The following UPRT variants were observed in gnomAD, a reference collection of about 807,000 sequenced individuals.
UPRT encodes uracil phosphoribosyltransferase homolog, also known as RP11-311P8.3.
UPRT carries 5 observed loss-of-function variants against 22.6 expected under a neutral mutation model. That is an observed-to-expected ratio of 0.22 (90% CI 0.12 to 0.47). The LOEUF is 0.47. UPRT is among the 20% of genes least tolerant of loss of function. UPRT has a pLI of 0.99. For synonymous variants in UPRT, 77 were observed against 87.7 expected, an observed-to-expected ratio of 0.88 and a Z score of 0.68; for missense variants, 181 against 239.9, an observed-to-expected ratio of 0.75 and a Z score of 1.62.
chrX:75,183,576 T>C lies in UPRT; in HGVS notation c.-447+15697T>C, dbSNP rs933137708. On this transcript the variant is annotated intron_variant, in intron 4 of 13. Coordinates refer to the UPRT transcript ENST00000652605. ...CTGGGTCAAATGGTATTTCTAGTTC[T>C]AGATCCTTGAGGAATCGCCACACCG... Among the ~76,000 whole-genome samples, 6 of 112,065 alleles carry C rather than the reference T, an allele frequency of 5.4e-5. No homozygotes were observed. In the East Asian group the frequency reaches 1.1e-3, roughly 21 times the overall value.
intron 4 of UPRT, among the ~76,000 whole-genome samples, chrX:75,252,582 A>G (rs1223001000): frequency 8.9e-6 from 1 of 112,307 alleles, no homozygotes; most frequent in Admixed American, 9.4e-5. Context: ...AAACACTTTT[A>G]CACTGTTGGT....
At chrX:75,225,045 G>T (rs1359511209) in intron 4 of UPRT, among the ~76,000 whole-genome samples, 1 of 111,087 alleles carries the variant, frequency 9.0e-6, no homozygotes, top group Non-Finnish European at 1.9e-5. Context: ...AGAACACTCA[G>T]TGGAGCGGTC....
intron 4 of UPRT, among the ~76,000 whole-genome samples, chrX:75,234,940 G>A (rs1429994270): frequency 2.4e-4 from 27 of 111,520 alleles, no homozygotes; most frequent in Admixed American, 9.5e-5. Flanking sequence ...TAAGATCAGA[G>A]CAGAACTGAA....
intron 4 of UPRT, among the ~76,000 whole-genome samples, chrX:75,260,258 T>A (rs2082563344): frequency 8.9e-6 from 1 of 112,193 alleles, no homozygotes; most frequent in Non-Finnish European, 1.9e-5. Context: ...ATAACAATAT[T>A]AACCTTAAAT....
intron 4 of UPRT, among the ~76,000 whole-genome samples, chrX:75,253,731 G>A (rs1197042065): frequency 8.9e-6 from 1 of 111,964 alleles, no homozygotes; most frequent in Non-Finnish European, 1.9e-5. Flanking sequence ...GAGAGACAAT[G>A]CAAATACTTT....
intron 4 of UPRT, among the ~76,000 whole-genome samples, chrX:75,173,945 G>A (rs887005245): frequency 1.8e-5 from 2 of 110,922 alleles, no homozygotes; most frequent in Non-Finnish European, 3.8e-5. Flanking sequence ...GCCCACAAGC[G>A]CCGCATGCAG....
chrX:75,262,503 T>C (rs1381701089), intron 4 of UPRT, among the ~76,000 whole-genome samples: 1 of 111,374 alleles, frequency 9.0e-6, no homozygotes, highest in African/African-American at 3.3e-5. Context: ...TGGATGAAGA[T>C]TCAAGACCCA....
intron 4 of UPRT, among the ~76,000 whole-genome samples, chrX:75,248,005 T>C (rs2082513165): frequency 8.9e-6 from 1 of 112,142 alleles, no homozygotes; most frequent in South Asian, 3.7e-4. Context: ...CTGAGGGTCC[T>C]GACGGTTAGA....
At chrX:75,168,167 G>A (rs1462124005) in intron 4 of UPRT, among the ~76,000 whole-genome samples, 1 of 112,087 alleles carries the variant, frequency 8.9e-6, no homozygotes, top group Non-Finnish European at 1.9e-5. Flanking sequence ...TTTACTTTCA[G>A]AATGAGAAGT....
intron 4 of UPRT, among the ~76,000 whole-genome samples, chrX:75,175,530 G>A (rs753963548): frequency 9.0e-6 from 1 of 111,659 alleles, no homozygotes; most frequent in South Asian, 3.8e-4. Context: ...GCCCTCAATA[G>A]TTAAACATAC....
Position 75,180,718 on chromosome X carries a change from TTTG to T in UPRT, c.-447+12840_-447+12842del, listed in dbSNP as rs2082267689. Among the ~76,000 whole-genome samples, 5 of 95,166 alleles carry T rather than the reference TTTG, an allele frequency of 5.3e-5. No homozygotes were observed. In the East Asian group the frequency reaches 2.0e-3, roughly 39 times the overall value. 82.6% of individuals were successfully genotyped at this position (95,166 alleles called of 115,157 possible). A position where few individuals can be genotyped will look rare whatever the true frequency, so the allele number is the denominator to read the frequency against. On this transcript the variant is annotated intron_variant, in intron 4 of 13. Coordinates refer to the UPRT transcript ENST00000652605. ...TTGTTTTTTTTTTTTTTTTTTTTTT[TTTG>T]CTTGTTAATTTGTTTACATTTCTTA...
intron 1 of UPRT, among the ~76,000 whole-genome samples, chrX:75,292,716 G>T (rs1184949477): frequency 9.0e-6 from 1 of 111,060 alleles, no homozygotes; most frequent in Non-Finnish European, 1.9e-5. Context: ...AGAAAGATGA[G>T]GAACAATACT....
intron 4 of UPRT, among the ~76,000 whole-genome samples, chrX:75,267,088 G>A (rs1239390915): frequency 9.0e-6 from 1 of 111,674 alleles, no homozygotes; most frequent in Non-Finnish European, 1.9e-5. Flanking sequence ...CAATTACTGG[G>A]TATATACCCA....
chrX:75,202,324 G>A (rs778315335), intron 4 of UPRT, among the ~76,000 whole-genome samples: 61 of 111,039 alleles, frequency 5.5e-4, no homozygotes, highest in African/African-American at 1.8e-3. Context: ...ACTTGTGCCC[G>A]GCGTGCTGGC....
intron 2 of UPRT, among the ~76,000 whole-genome samples, chrX:75,162,163 G>T (rs1221632258): frequency 9.5e-6 from 1 of 104,785 alleles, no homozygotes; most frequent in Non-Finnish European, 1.9e-5. Flanking sequence ...TGTTGGTCAG[G>T]CTGGTCTCGA....
chrX:75,274,115 T>C lies in UPRT; in HGVS notation c.-140T>C. 2 of 947,441 alleles carry C rather than the reference T, an allele frequency of 2.1e-6. No individual in the cohort carries two copies. Among genetic ancestry groups the C allele is most frequent in the Non-Finnish European group, 2.8e-6 (2 of 706,806 alleles). 78.1% of individuals were successfully genotyped at this position (947,441 alleles called of 1,213,427 possible). A position where few individuals can be genotyped will look rare whatever the true frequency, so the allele number is the denominator to read the frequency against. On this transcript the variant is annotated 5_prime_UTR_variant, in exon 1 of 7. Transcript: ENST00000373383. ...GTGCTAAAGGAAACCAACAGCGGCCTAGGGGTGAAAGGACAGCCAGGGTTA... is the reference window on the plus strand; with the variant it reads ...GTGCTAAAGGAAACCAACAGCGGCCCAGGGGTGAAAGGACAGCCAGGGTTA...
intron 2 of UPRT, chrX:75,294,770 C>A: frequency 3.5e-6 from 1 of 282,504 alleles, no homozygotes; most frequent in Non-Finnish European, 5.2e-6. Flanking sequence ...TTTATCAAAC[C>A]AAAAGAACAG....
At chrX:75,212,070 T>C (rs949445859) in intron 4 of UPRT, among the ~76,000 whole-genome samples, 1 of 111,752 alleles carries the variant, frequency 8.9e-6, no homozygotes, top group Non-Finnish European at 1.9e-5. Flanking sequence ...CAGCAGAATA[T>C]GATAAGAAGC....
chrX:75,165,655 G>C (rs1018553504), intron 3 of UPRT, among the ~76,000 whole-genome samples: 1 of 112,121 alleles, frequency 8.9e-6, no homozygotes, highest in African/African-American at 3.2e-5. Context: ...GTATTAATTA[G>C]GTAAAGCACA....
Sources: gnomAD v4.1 joint callset for allele counts (sites outside exome capture counted in the v4.1 genomes callset) on GRCh38, gnomAD v4.1.1 for gene constraint, MANE v1.5 for transcripts, NCBI Gene and HGNC (gene_info 2026-07-23, HGNC 2026-07-21) for gene names.